Variants in PARN observed in about 807,000 individuals in gnomAD.
The protein encoded by PARN is poly(A)-specific ribonuclease.
Under a neutral mutation model 102.8 loss-of-function variants are expected in PARN, and 71 were observed. That is an observed-to-expected ratio of 0.69 (90% confidence interval 0.57 to 0.84). The LOEUF (loss-of-function observed/expected upper bound fraction) is 0.84, where lower values mean the gene tolerates loss of function less well. Among genes scored for constraint, PARN ranks in the 40% least tolerant of loss-of-function variants. The probability of loss-of-function intolerance (pLI) is 0.00; values close to 1 mark genes in which losing one functional copy is unlikely to be tolerated. For missense variants in PARN, 782 were observed against 760.9 expected, an observed-to-expected ratio of 1.03 and a Z score of -0.33; for synonymous variants, 261 against 252.9, an observed-to-expected ratio of 1.03 and a Z score of -0.30.
intron 22 of PARN, among the ~76,000 whole-genome samples, chr16:14,474,142 G>A (rs1211298086): frequency 6.6e-6 from 1 of 151,886 alleles, no homozygotes; most frequent in Non-Finnish European, 1.5e-5. Context: ...ATAGGCATGG[G>A]CCACCATGCC....
At chr16:14,515,535 T>C (rs1965415449) in intron 21 of PARN, among the ~76,000 whole-genome samples, 2 of 152,164 alleles carry the variant, frequency 1.3e-5, no homozygotes. Flanking sequence ...GAAAAAATTC[T>C]CCCTACGGCC....
At chr16:14,470,437 G>GATCATT (rs369121377) in intron 22 of PARN, among the ~76,000 whole-genome samples, 1 of 147,152 alleles carries the variant, frequency 6.8e-6, no homozygotes, top group Non-Finnish European at 1.5e-5. Flanking sequence ...GAGTTTGGAT[G>GATCATT]ATTATTATTA....
chr16:14,456,769 T>A (rs1441521575), intron 22 of PARN, among the ~76,000 whole-genome samples: 1 of 152,154 alleles, frequency 6.6e-6, no homozygotes, highest in Non-Finnish European at 1.5e-5. Flanking sequence ...CCCATCTTCC[T>A]AGGGCCAGCT....
chr16:14,594,086 T>A (rs1310224502), intron 12 of PARN, among the ~76,000 whole-genome samples: 3 of 152,276 alleles, frequency 2.0e-5, no homozygotes, highest in Middle Eastern at 3.4e-3. Flanking sequence ...TAGGGCTGCA[T>A]CCTTTAAAAC....
chr16:14,535,421 A>G (rs1966568451), intron 21 of PARN, among the ~76,000 whole-genome samples: 3 of 152,264 alleles, frequency 2.0e-5, no homozygotes, highest in Admixed American at 2.0e-4. Context: ...GACAAGTTGT[A>G]CAAATACTCA....
chr16:14,467,792 G>A (rs1014561830), intron 22 of PARN, among the ~76,000 whole-genome samples: 1 of 152,150 alleles, frequency 6.6e-6, no homozygotes, highest in Non-Finnish European at 1.5e-5. Flanking sequence ...CTGCCTTACT[G>A]TAAGCAAAGC....
intron 22 of PARN, among the ~76,000 whole-genome samples, chr16:14,449,099 T>C (rs568106154): frequency 6.6e-6 from 1 of 152,146 alleles, no homozygotes; most frequent in Non-Finnish European, 1.5e-5. Flanking sequence ...AAAAATTCCT[T>C]CGCATTGTAA....
chr16:14,456,902 C>T (rs776921935), intron 22 of PARN, among the ~76,000 whole-genome samples: 6 of 152,216 alleles, frequency 3.9e-5, no homozygotes, highest in Non-Finnish European at 5.9e-5. Flanking sequence ...TCCTCCTACT[C>T]GCCTCTGCCT....
intron 5 of PARN, among the ~76,000 whole-genome samples, chr16:14,617,879 ATTT>A (rs900833111): frequency 6.7e-6 from 1 of 149,646 alleles, no homozygotes; most frequent in Non-Finnish European, 1.5e-5. Context: ...TTGTTTCACA[ATTT>A]TTTTTTTATA....
intron 21 of PARN, among the ~76,000 whole-genome samples, chr16:14,500,746 G>GA (rs924510113): frequency 4.0e-5 from 6 of 150,960 alleles, no homozygotes; most frequent in Non-Finnish European, 8.9e-5. Context: ...TTTGATGGAG[G>GA]AAAAAAAAAG....
At chr16:14,523,641 G>C (rs1038721394) in intron 21 of PARN, among the ~76,000 whole-genome samples, 1 of 152,058 alleles carries the variant, frequency 6.6e-6, no homozygotes, top group Non-Finnish European at 1.5e-5. Context: ...AAAGTCTAAA[G>C]ACTTATACAG....
chr16:14,596,214 G>C (rs976060815), intron 12 of PARN, among the ~76,000 whole-genome samples: 53 of 152,086 alleles, frequency 3.5e-4, no homozygotes, highest in African/African-American at 1.2e-3. Context: ...AGCTGAGCCA[G>C]AGAAACTACA....
Position 14,593,285 on chromosome 16 carries a change from C to A in PARN, c.918+16G>T, listed in dbSNP as rs1280231809. 2 of 1,418,012 alleles carry A rather than the reference C, an allele frequency of 1.4e-6. No individual in the cohort carries two copies. Among genetic ancestry groups the A allele is most frequent in the Non-Finnish European group, 2.0e-6 (2 of 1,002,516 alleles). The allele number at this position is 1,418,012 out of a possible 1,614,324, so 87.8% of individuals were successfully genotyped here. A position where few individuals can be genotyped will look rare whatever the true frequency, so the allele number is the denominator to read the frequency against. On this transcript the variant is annotated intron_variant, in intron 13 of 23. Transcript: ENST00000437198. ...GAATCCTGCTAATATTAAACACAGACCAACAGGTCACTTACCGCAGGCAGA... is the reference window on the plus strand; with the variant it reads ...GAATCCTGCTAATATTAAACACAGAACAACAGGTCACTTACCGCAGGCAGA...
chr16:14,491,544 G>A (rs546617635), intron 21 of PARN, among the ~76,000 whole-genome samples: 152 of 152,092 alleles, frequency 1.0e-3, no homozygotes, highest in African/African-American at 3.4e-3. Flanking sequence ...TGGGAGGATC[G>A]CTTAAGCCCA....
chr16:14,464,000 A>C (rs1962168714), intron 22 of PARN, among the ~76,000 whole-genome samples: 1 of 151,940 alleles, frequency 6.6e-6, no homozygotes, highest in African/African-American at 2.4e-5. Flanking sequence ...CGTCCAGCTA[A>C]TTTTTTTGTG....
intron 22 of PARN, among the ~76,000 whole-genome samples, chr16:14,450,660 T>C (rs563745872): frequency 1.3e-5 from 2 of 152,320 alleles, no homozygotes; most frequent in South Asian, 4.1e-4. Context: ...GCATATCTAT[T>C]GTCCAGATCT....
chr16:14,562,629 C>T (rs1968144161), intron 18 of PARN, among the ~76,000 whole-genome samples: 2 of 151,270 alleles, frequency 1.3e-5, no homozygotes, highest in Admixed American at 1.3e-4. Context: ...ACAGCTACCA[C>T]TCTTGTTTTT....
Position 14,584,788 on chromosome 16 carries a change from G to C in PARN, c.966C>G (p.Leu322=). 1 of 1,547,054 alleles carries C rather than the reference G, an allele frequency of 6.5e-7. No homozygotes were observed. The highest frequency in any genetic ancestry group is 8.7e-7 in the Non-Finnish European group (1 of 1,149,248). ...TGCTGGCCATCAATTTAGTATCCAA[G>C]AGTCTAAAAAGAATTTTTAACAAGG... ...KEMTTCVFPR[L]LDTKLMASTQ... Residue 322 remains leucine (L), a synonymous_variant, in exon 15 of 24, where the codon CTC becomes CTG. Coordinates refer to ENST00000437198, the MANE Select transcript of PARN (RefSeq NM_002582.4).
intron 22 of PARN, among the ~76,000 whole-genome samples, chr16:14,470,946 G>T (rs1003219578): frequency 1.1e-4 from 17 of 151,858 alleles, no homozygotes; most frequent in African/African-American, 2.4e-4. Flanking sequence ...CTAATTTTTT[G>T]ATTTTTGTTG....
Sources: gnomAD v4.1 joint callset for allele counts (sites outside exome capture counted in the v4.1 genomes callset) on GRCh38, gnomAD v4.1.1 for gene constraint, MANE v1.5 for transcripts, NCBI Gene and HGNC (gene_info 2026-07-23, HGNC 2026-07-21) for gene names.